FEZ2: variants seen among roughly 807,000 people sequenced by gnomAD.
FEZ2 encodes the protein fasciculation and elongation protein zeta-2.
Under a neutral mutation model 40.4 loss-of-function variants are expected in FEZ2, and 51 were observed. The ratio of observed to expected loss-of-function variants is 1.26; its 90% CI spans 1.01 to 1.59. The LOEUF (loss-of-function observed/expected upper bound fraction) is 1.59, where lower values mean the gene tolerates loss of function less well. FEZ2 is among the 40% of genes most tolerant of loss of function. The pLI is 0.00. For missense variants in FEZ2, 640 were observed against 438.3 expected (o/e 1.46, Z -4.11); for synonymous variants, 242 against 172.0 (o/e 1.41, Z -3.18).
chr2:36,563,960 G>C (rs1245979003), intron 5 of FEZ2, among the ~76,000 whole-genome samples: 1 of 152,146 alleles, frequency 6.6e-6, no homozygotes, highest in African/African-American at 2.4e-5. Flanking sequence ...AGGATCTTGT[G>C]CCTCTTTCTT....
chr2:36,566,494 A>T lies in FEZ2; in HGVS notation c.904-7981T>A, dbSNP rs185839076. On this transcript the variant is annotated intron_variant, in intron 5 of 7. Transcript: ENST00000405912. ...CTCAAAATCCTTAAGGACAGAAAAA[A>T]AAAAATGTCAGATACTTCTTTCATA... is the stretch of plus-strand genomic sequence containing the variant. Among the ~76,000 whole-genome samples, 5 of 152,340 alleles carry T rather than the reference A, an allele frequency of 3.3e-5. No homozygotes were observed. The East Asian group carries it at 9.6e-4, about 29-fold the overall frequency.
intron 5 of FEZ2, among the ~76,000 whole-genome samples, chr2:36,562,858 G>A (rs757744909): frequency 2.6e-5 from 4 of 152,106 alleles, no homozygotes; most frequent in Non-Finnish European, 4.4e-5. Context: ...GTGACAAAGA[G>A]AAGAGTACTT....
chr2:36,596,626 A>T (rs1288487919), intron 1 of FEZ2, among the ~76,000 whole-genome samples: 1 of 151,870 alleles, frequency 6.6e-6, no homozygotes, highest in Non-Finnish European at 1.5e-5. Context: ...ACCGGACTTC[A>T]CTAATTTTTT....
intron 2 of FEZ2, chr2:36,589,642 A>G (rs1258583209): frequency 2.0e-5 from 3 of 152,230 alleles, no homozygotes; most frequent in Non-Finnish European, 4.4e-5. Context: ...ATTCCTTTTC[A>G]TTAAATATAT....
chr2:36,597,718 C>G (rs1030716466), intron 1 of FEZ2, among the ~76,000 whole-genome samples, 159 bp downstream of exon 1: 1 of 152,050 alleles, frequency 6.6e-6, no homozygotes, highest in Non-Finnish European at 1.5e-5. Flanking sequence ...AATTGCTGGG[C>G]GAGCCGAGGC....
chr2:36,562,779 A>C (rs1668126872), intron 5 of FEZ2, among the ~76,000 whole-genome samples: 1 of 152,258 alleles, frequency 6.6e-6, no homozygotes, highest in Admixed American at 6.5e-5. Context: ...AATTATGAGA[A>C]ACTATTCTCA....
intron 2 of FEZ2, among the ~76,000 whole-genome samples, chr2:36,586,902 C>T (rs1051975092): frequency 1.2e-4 from 19 of 152,166 alleles, no homozygotes; most frequent in African/African-American, 7.2e-5. Context: ...GCTATGATGG[C>T]GCCACTGTAC....
chr2:36,560,167 T>C (rs1319408956), intron 5 of FEZ2, among the ~76,000 whole-genome samples: 2 of 152,258 alleles, frequency 1.3e-5, no homozygotes, highest in Admixed American at 6.5e-5. Flanking sequence ...TCAATCATTA[T>C]ACAAAAATGT....
At chr2:36,567,292 G>T (rs1668273140) in intron 5 of FEZ2, among the ~76,000 whole-genome samples, 1 of 152,056 alleles carries the variant, frequency 6.6e-6, no homozygotes, top group Non-Finnish European at 1.5e-5. Context: ...AAAATAAGTG[G>T]AGTATGAACA....
At chr2:36,573,888 C>G (rs182671991) in intron 5 of FEZ2, among the ~76,000 whole-genome samples, 1 of 152,204 alleles carries the variant, frequency 6.6e-6, no homozygotes, top group Non-Finnish European at 1.5e-5. Context: ...GTCACTCTTA[C>G]GCTCTACTGG....
intron 2 of FEZ2, among the ~76,000 whole-genome samples, chr2:36,588,496 C>T (rs975763336): frequency 8.5e-5 from 13 of 152,134 alleles, no homozygotes; most frequent in Non-Finnish European, 4.4e-5. Context: ...AGCAGTCCCT[C>T]GGTATCCAAG....
intron 5 of FEZ2, among the ~76,000 whole-genome samples, chr2:36,571,436 G>A (rs993555642): frequency 4.6e-5 from 7 of 152,046 alleles, no homozygotes; most frequent in African/African-American, 7.2e-5. Flanking sequence ...CGAGGTGGGC[G>A]GATCGCTTGA....
At chr2:36,572,223 GCA>G (rs1051998253) in intron 5 of FEZ2, among the ~76,000 whole-genome samples, 49 of 152,218 alleles carry the variant, frequency 3.2e-4, no homozygotes, top group African/African-American at 1.0e-3. Flanking sequence ...GACACACACA[GCA>G]CAGAGGTCTG....
intron 6 of FEZ2, chr2:36,557,225 T>C (rs191084046): frequency 6.6e-6 from 1 of 152,292 alleles, no homozygotes; most frequent in African/African-American, 2.4e-5. Context: ...TCCAGCTCTG[T>C]AACTAACCAT....
chr2:36,589,935 T>A (rs1235072927), intron 2 of FEZ2: 2 of 152,246 alleles, frequency 1.3e-5, no homozygotes, highest in African/African-American at 4.8e-5. Flanking sequence ...GTTTACATTA[T>A]TATTTGATAA....
At chr2:36,572,271 AT>A (rs1411799402) in intron 5 of FEZ2, among the ~76,000 whole-genome samples, 1 of 152,152 alleles carries the variant, frequency 6.6e-6, no homozygotes, top group East Asian at 1.9e-4. Context: ...TAGCTTGGAG[AT>A]TGGCTGGCCA....
At chr2:36,572,889 A>T (rs1185783176) in intron 5 of FEZ2, among the ~76,000 whole-genome samples, 1 of 152,200 alleles carries the variant, frequency 6.6e-6, no homozygotes, top group Non-Finnish European at 1.5e-5. Context: ...TACAAGAAAG[A>T]GTGTATATCA....
At chr2:36,554,182 G>C (rs776147962) in intron 7 of FEZ2, 29 of 471,100 alleles carry the variant, frequency 6.2e-5, no homozygotes, top group Admixed American at 2.4e-4. Flanking sequence ...ACAGGAGCCA[G>C]CGGCCCGAGC....
At chr2:36,575,786 C>A (rs1358756138) in intron 5 of FEZ2, among the ~76,000 whole-genome samples, 1 of 152,002 alleles carries the variant, frequency 6.6e-6, no homozygotes, top group Non-Finnish European at 1.5e-5. Flanking sequence ...TATACCCACT[C>A]CAATATTTCA....
Sources: allele counts gnomAD v4.1 joint callset (sites outside exome capture counted in the v4.1 genomes callset), GRCh38; gene constraint gnomAD v4.1.1; transcripts MANE v1.5; gene names NCBI Gene and HGNC (gene_info 2026-07-23, HGNC 2026-07-21).